The following DAB1 variants were observed in gnomAD, a reference collection of about 807,000 sequenced individuals.
DAB1 encodes the protein DAB adaptor protein 1, also known as disabled homolog 1.
DAB1 carries 15 observed loss-of-function variants against 64.6 expected under a neutral mutation model. The observed-to-expected ratio is 0.23, with a 90% CI of 0.16 to 0.36. DAB1 has a LOEUF of 0.36. Among genes scored for constraint, DAB1 ranks in the 10% least tolerant of loss-of-function variants. The probability of loss-of-function intolerance (pLI) is 1.00; values close to 1 mark genes in which losing one functional copy is unlikely to be tolerated. For missense variants in DAB1, 596 were observed against 706.7 expected (o/e 0.84, Z 1.78); for synonymous variants, 235 against 251.9 (o/e 0.93, Z 0.64).
At chr1:58,095,699 G>C (rs945470367) in intron 5 of DAB1, among the ~76,000 whole-genome samples, 2 of 152,178 alleles carry the variant, frequency 1.3e-5, no homozygotes, top group Non-Finnish European at 2.9e-5. Context: ...CATTGCTGTG[G>C]AACTGGGTCA....
intron 7 of DAB1, among the ~76,000 whole-genome samples, chr1:57,444,042 C>G (rs1382249162): frequency 1.3e-5 from 2 of 152,114 alleles, no homozygotes; most frequent in African/African-American, 2.4e-5. Context: ...TCCATGTGCC[C>G]CCTGTTCCCT....
chr1:57,279,893 A>C (rs1478018421), intron 2 of DAB1, among the ~76,000 whole-genome samples: 1 of 152,156 alleles, frequency 6.6e-6, no homozygotes, highest in East Asian at 1.9e-4. Flanking sequence ...CTAACTATAC[A>C]ACATATTTTA....
chr1:57,045,297 C>T (rs1383588796), intron 9 of DAB1, among the ~76,000 whole-genome samples: 1 of 152,186 alleles, frequency 6.6e-6, no homozygotes. Context: ...AGGGCTATCC[C>T]TATAACAATG....
chr1:57,364,900 CAAA>C (rs1318951591), intron 1 of DAB1, among the ~76,000 whole-genome samples: 1 of 148,574 alleles, frequency 6.7e-6, no homozygotes, highest in African/African-American at 2.5e-5. Flanking sequence ...GGAAATAACA[CAAA>C]ATTCAGGTTA....
At chr1:57,752,052 A>G (rs1268656346) in intron 6 of DAB1, among the ~76,000 whole-genome samples, 1 of 152,204 alleles carries the variant, frequency 6.6e-6, no homozygotes, top group Non-Finnish European at 1.5e-5. Context: ...GCCTGGTCAC[A>G]CTGCCAATTC....
At chr1:58,303,176 A>G (rs1465159944) in intron 4 of DAB1, among the ~76,000 whole-genome samples, 1 of 152,044 alleles carries the variant, frequency 6.6e-6, no homozygotes, top group Non-Finnish European at 1.5e-5. Flanking sequence ...CCTCCTTCCA[A>G]GCAGCCTCCA....
chr1:58,081,674 G>A (rs1650005169), intron 5 of DAB1, among the ~76,000 whole-genome samples: 2 of 152,212 alleles, frequency 1.3e-5, no homozygotes, highest in African/African-American at 2.4e-5. Context: ...CATATTTAAT[G>A]GCTACCCAGT....
chr1:58,181,387 T>A (rs1291676862), intron 4 of DAB1, among the ~76,000 whole-genome samples: 2 of 152,140 alleles, frequency 1.3e-5, no homozygotes, highest in Non-Finnish European at 2.9e-5. Flanking sequence ...TCTTTTATTA[T>A]CCAGTCTGAC....
chr1:58,152,999 C>G (rs1361748699), intron 4 of DAB1, among the ~76,000 whole-genome samples: 1 of 152,156 alleles, frequency 6.6e-6, no homozygotes, highest in Non-Finnish European at 1.5e-5. Context: ...TCTGAGTACT[C>G]TTCTAGAAAG....
intron 3 of DAB1, among the ~76,000 whole-genome samples, chr1:58,445,344 C>T (rs990211249): frequency 4.6e-5 from 7 of 152,180 alleles, no homozygotes; most frequent in African/African-American, 1.7e-4. Flanking sequence ...TCCCACCTTA[C>T]GGAGGAAGAC....
chr1:57,707,891 G>A (rs1352190930), intron 6 of DAB1, among the ~76,000 whole-genome samples: 1 of 152,144 alleles, frequency 6.6e-6, no homozygotes, highest in Non-Finnish European at 1.5e-5. Context: ...CACTGCCTTG[G>A]TGGACTTGGG....
intron 4 of DAB1, among the ~76,000 whole-genome samples, chr1:58,300,640 GAGAGAGAGGAAGGA>G (rs1294706568): frequency 3.5e-5 from 2 of 57,422 alleles, no homozygotes; most frequent in African/African-American, 6.3e-5. Flanking sequence ...GAGAGAGAGA[GAGAGAGAGGAAGGA>G]AGGAAGGAAG....
At chr1:57,879,390 C>A (rs1042563113) in intron 1 of DAB1, among the ~76,000 whole-genome samples, 1 of 152,174 alleles carries the variant, frequency 6.6e-6, no homozygotes, top group Non-Finnish European at 1.5e-5. Flanking sequence ...GATGGGGAAA[C>A]CTAGCTTTCT....
intron 1 of DAB1, among the ~76,000 whole-genome samples, chr1:57,375,113 G>A (rs1680794750): frequency 6.6e-6 from 1 of 152,104 alleles, no homozygotes; most frequent in South Asian, 2.1e-4. Flanking sequence ...AACTGATGGA[G>A]ACAAAGGAAC....
At chr1:58,208,748 C>T (rs532234668) in intron 4 of DAB1, among the ~76,000 whole-genome samples, 2 of 152,278 alleles carry the variant, frequency 1.3e-5, no homozygotes, top group South Asian at 2.1e-4. Flanking sequence ...CTGCTACAAA[C>T]GTGCATGTGC....
At chr1:58,349,397 G>T (rs778327253) in intron 3 of DAB1, among the ~76,000 whole-genome samples, 5 of 152,020 alleles carry the variant, frequency 3.3e-5, no homozygotes, top group African/African-American at 4.8e-5. Context: ...CTGTCCAAAA[G>T]AGAAGTTCTC....
At chr1:58,163,022 A>T (rs779273721) in intron 4 of DAB1, among the ~76,000 whole-genome samples, 1 of 152,154 alleles carries the variant, frequency 6.6e-6, no homozygotes, top group Non-Finnish European at 1.5e-5. Flanking sequence ...ACGAGACACC[A>T]TCCCCCAAGA....
At chr1:58,544,468 G>A (rs10789064) in intron 1 of DAB1, among the ~76,000 whole-genome samples, 98,858 of 152,160 alleles carry the variant, frequency 0.65, 34,211 homozygotes, top group East Asian at 0.94. Flanking sequence ...TGAATGGCAG[G>A]ATGGTGGTTA....
chr1:58,537,062 T>TTCTCTC (rs150887072), intron 1 of DAB1, among the ~76,000 whole-genome samples: 38 of 145,914 alleles, frequency 2.6e-4, no homozygotes, highest in African/African-American at 5.3e-4. Context: ...ACATGCAAAA[T>TTCTCTC]TCTCTCTCTC....
Sources: allele counts gnomAD v4.1 joint callset (sites outside exome capture counted in the v4.1 genomes callset), GRCh38; gene constraint gnomAD v4.1.1; transcripts MANE v1.5; gene names NCBI Gene and HGNC (gene_info 2026-07-23, HGNC 2026-07-21).